Variants in NAV3 observed in about 807,000 individuals in gnomAD.
NAV3 encodes neuron navigator 3.
A neutral mutation model predicts 244.7 loss-of-function variants in NAV3; 87 were observed. The ratio of observed to expected loss-of-function variants is 0.36; its 90% CI spans 0.30 to 0.42. The LOEUF is 0.42. Among genes scored for constraint, NAV3 ranks in the 20% least tolerant of loss-of-function variants. The pLI is 1.00. For missense variants in NAV3, 2,663 were observed against 2,893.3 expected (o/e 0.92, Z 1.83); for synonymous variants, 1,126 against 1,042.2 (o/e 1.08, Z -1.55).
Position 78,160,701 on chromosome 12 carries a change from T to C in NAV3, c.4869+1415T>C, listed in dbSNP as rs145530070. On this transcript the variant is annotated intron_variant, in intron 23 of 39. Transcript: ENST00000397909. ...CAAAAGAGTAAATCGAATATTCTTA[T>C]AATTGCCAAGTATTATTAGCACATT... Among the ~76,000 whole-genome samples, 23 of 152,260 alleles carry C rather than the reference T, an allele frequency of 1.5e-4. No individual in the cohort carries two copies. In the East Asian group the frequency reaches 4.3e-3, roughly 28 times the overall value.
chr12:77,750,977 C>T (rs2135799288), intron 2 of NAV3, among the ~76,000 whole-genome samples: 1 of 152,260 alleles, frequency 6.6e-6, no homozygotes, highest in South Asian at 2.1e-4. Context: ...CTATAGATTC[C>T]TGCAGTCTCA....
chr12:77,975,103 C>T (rs1187062707), intron 5 of NAV3, among the ~76,000 whole-genome samples: 2 of 152,018 alleles, frequency 1.3e-5, no homozygotes, highest in South Asian at 2.1e-4. Flanking sequence ...CCTTTGTATG[C>T]CCAGTCTAAA....
At chr12:77,889,228 A>G (rs773724562) in intron 1 of NAV3, among the ~76,000 whole-genome samples, 66 of 152,210 alleles carry the variant, frequency 4.3e-4, no homozygotes, top group Non-Finnish European at 9.0e-4. Context: ...AATCAATTGA[A>G]GATCCAAGTA....
At chr12:77,873,760 AT>A (rs1881414789) in intron 1 of NAV3, among the ~76,000 whole-genome samples, 3 of 116,014 alleles carry the variant, frequency 2.6e-5, no homozygotes, top group South Asian at 3.4e-4. Context: ...ATATATATAT[AT>A]ATATATGTAT....
At position 78,188,600 on chromosome 12, in the gene NAV3, CCAT is replaced by C. The variant is rs781257212; in HGVS notation, c.5887-8_5887-6del. 5 of 1,607,470 alleles carry C rather than the reference CCAT, an allele frequency of 3.1e-6. No individual in the cohort carries two copies. The East Asian group carries it at 1.1e-4, about 36-fold the overall frequency. On this transcript the variant is annotated splice_polypyrimidine_tract_variant and splice_region_variant and intron_variant, in intron 32 of 39. Transcript: ENST00000397909. ...GTTTTGATTTTATTTTTTGTGTGTA[CCAT>C]TGTAGGAATATGTATTCCGAATTGA... is the stretch of plus-strand genomic sequence containing the variant.
chr12:78,081,187 A>G (rs1566104991), intron 12 of NAV3, among the ~76,000 whole-genome samples: 2 of 152,312 alleles, frequency 1.3e-5, no homozygotes, highest in South Asian at 2.1e-4. Context: ...CTTATGAACT[A>G]TAGCGTGATA....
chr12:77,781,397 T>C (rs932440006), intron 2 of NAV3, among the ~76,000 whole-genome samples: 3 of 152,186 alleles, frequency 2.0e-5, no homozygotes, highest in Non-Finnish European at 2.9e-5. Flanking sequence ...ATCTGCATGA[T>C]AAAACCTTAT....
Position 78,180,904 on chromosome 12 carries a change from C to T in NAV3, c.5551C>T (p.Arg1851Trp), listed in dbSNP as rs1309200135. Reference protein sequence around the residue: ...EIEILKAENDRLKAETGNTAK... With the variant: ...EIEILKAENDWLKAETGNTAK... Reference sequence around the variant, plus strand: ...TGAAATACTGAAAGCTGAAAATGACCGGTTGAAGGCAGAAACTGGTAACAC... The same window carrying T: ...TGAAATACTGAAAGCTGAAAATGACTGGTTGAAGGCAGAAACTGGTAACAC... The change falls in exon 30 of 40, where the codon CGG becomes TGG. Residue 1851 changes from arginine (R) to tryptophan (W), a missense_variant. Around this residue, in one of 6 missense-constraint regions of NAV3, gnomAD observed 543 missense variants for 672.4 expected, o/e 0.81. Transcript: ENST00000397909. 6 of 1,612,208 alleles carry T rather than the reference C, an allele frequency of 3.7e-6. No homozygotes were observed. Among genetic ancestry groups the T allele is most frequent in the African/African-American group, 2.7e-5 (2 of 74,736 alleles).
chr12:77,729,028 A>G (rs1320523835), intron 2 of NAV3, among the ~76,000 whole-genome samples: 2 of 151,956 alleles, frequency 1.3e-5, no homozygotes, highest in Admixed American at 6.6e-5. Flanking sequence ...TTGATATTTT[A>G]TTTGTATTGT....
intron 17 of NAV3, 74 bp downstream of exon 17, chr12:78,127,282 T>C (rs1955952485): frequency 7.0e-7 from 1 of 1,426,276 alleles, no homozygotes; most frequent in South Asian, 1.2e-5. Context: ...CTCTTCCTTC[T>C]TTGTTTGTTT....
chr12:77,601,608 G>T (rs984231612), intron 2 of NAV3, among the ~76,000 whole-genome samples: 1 of 151,928 alleles, frequency 6.6e-6, no homozygotes, highest in Non-Finnish European at 1.5e-5. Context: ...AAGTAAGAAG[G>T]ATTTCAAACA....
At chr12:77,701,148 T>C (rs768461000) in intron 2 of NAV3, among the ~76,000 whole-genome samples, 4 of 151,912 alleles carry the variant, frequency 2.6e-5, no homozygotes, top group Non-Finnish European at 5.9e-5. Context: ...TTTCTTTGTC[T>C]TGATGGAATT....
intron 2 of NAV3, among the ~76,000 whole-genome samples, chr12:77,581,799 G>T (rs1869375661): frequency 1.3e-5 from 2 of 152,074 alleles, no homozygotes; most frequent in Admixed American, 6.5e-5. Context: ...ACAATATTTT[G>T]GCTGAACTTA....
intron 1 of NAV3, among the ~76,000 whole-genome samples, chr12:77,856,124 G>A (rs572980400): frequency 6.6e-6 from 1 of 152,134 alleles, no homozygotes; most frequent in East Asian, 1.9e-4. Flanking sequence ...CATATGTTGT[G>A]GAGAGAAGAT....
intron 16 of NAV3, among the ~76,000 whole-genome samples, chr12:78,125,466 T>C (rs1047354737): frequency 2.0e-5 from 3 of 152,184 alleles, no homozygotes; most frequent in African/African-American, 7.2e-5. Context: ...TAGTCTATAT[T>C]TGTTTTGGGT....
Position 77,643,842 on chromosome 12 carries a change from T to A in NAV3, c.72+71576T>A, listed in dbSNP as rs114436119. ...AGCAAGAACCTTAAATTTAAATACATGTGTATTTTGCTAATAACTCAGATA... is the reference window on the plus strand; with the variant it reads ...AGCAAGAACCTTAAATTTAAATACAAGTGTATTTTGCTAATAACTCAGATA... On this transcript the variant is annotated intron_variant, in intron 2 of 8. Transcript: ENST00000550042. 2.7e-3 allele frequency among the ~76,000 whole-genome samples: 409 copies of A among 152,230 alleles called. 1 individual carries two copies. Among genetic ancestry groups the A allele is most frequent in the African/African-American group, 9.6e-3 (397 of 41,566 alleles).
intron 2 of NAV3, among the ~76,000 whole-genome samples, chr12:77,672,214 C>T (rs1480682252): frequency 6.6e-6 from 1 of 151,964 alleles, no homozygotes; most frequent in Non-Finnish European, 1.5e-5. Context: ...GGCCTGCAAG[C>T]ATGGTCATAA....
intron 1 of NAV3, among the ~76,000 whole-genome samples, chr12:77,869,760 T>G (rs182861038): frequency 6.6e-6 from 1 of 152,322 alleles, no homozygotes; most frequent in East Asian, 1.9e-4. Flanking sequence ...AATATATTTA[T>G]TGTTTTAATT....
At position 77,804,933 on chromosome 12, in the gene NAV3, T is replaced by C. The variant is rs142115139; in HGVS notation, c.73-135386T>C. ...CTAGGTATTTTATTCTCTTTGTGAATTGTGAATAGGATTCACTCATGATTT... is the reference window on the plus strand; with the variant it reads ...CTAGGTATTTTATTCTCTTTGTGAACTGTGAATAGGATTCACTCATGATTT... On this transcript the variant is annotated intron_variant, in intron 2 of 8. Coordinates refer to the NAV3 transcript ENST00000550042. 1.7e-3 allele frequency among the ~76,000 whole-genome samples: 264 copies of C among 152,142 alleles called. 2 individuals carry two copies. The highest frequency in any genetic ancestry group is 6.1e-3 in the African/African-American group (252 of 41,546).
Sources: allele counts gnomAD v4.1 joint callset (sites outside exome capture counted in the v4.1 genomes callset), GRCh38; gene constraint gnomAD v4.1.1; regional missense constraint gnomAD v4.1.1; transcripts MANE v1.5; gene names NCBI Gene and HGNC (gene_info 2026-07-23, HGNC 2026-07-21).